Variants in MID1 observed in about 807,000 individuals in gnomAD.
MID1 encodes E3 ubiquitin-protein ligase Midline-1.
In MID1, 7 loss-of-function variants were observed where a neutral mutation model predicts 40.4. The ratio of observed to expected loss-of-function variants is 0.17; its 90% CI spans 0.10 to 0.33. The LOEUF (loss-of-function observed/expected upper bound fraction) is 0.33. MID1 is among the 10% of genes least tolerant of loss of function. The probability of loss-of-function intolerance (pLI) is 1.00; values close to 1 mark genes in which losing one functional copy is unlikely to be tolerated. For missense variants in MID1, 367 were observed against 558.5 expected (o/e 0.66, Z 3.46); for synonymous variants, 229 against 221.2 (o/e 1.04, Z -0.31).
intron 1 of MID1, among the ~76,000 whole-genome samples, chrX:10,752,209 C>T (rs1202536653): frequency 8.9e-6 from 1 of 112,126 alleles, no homozygotes; most frequent in Admixed American, 9.5e-5. Context: ...ACAGTGTCCA[C>T]TCCTCTCCTC....
At chrX:10,809,060 C>T (rs1479862481) in intron 1 of MID1, among the ~76,000 whole-genome samples, 13 of 111,476 alleles carry the variant, frequency 1.2e-4, no homozygotes, top group East Asian at 8.4e-4. Flanking sequence ...GAATCTACAA[C>T]GAACTCAAAC....
intron 1 of MID1, among the ~76,000 whole-genome samples, chrX:10,763,369 A>G (rs1341584491): frequency 1.0e-5 from 1 of 96,041 alleles, no homozygotes; most frequent in African/African-American, 4.0e-5. Context: ...CCTGTGTCCA[A>G]GTGTTCTCAT....
intron 9 of MID1, among the ~76,000 whole-genome samples, chrX:10,452,863 A>ATTC (rs1928431501): frequency 8.9e-6 from 1 of 112,062 alleles, no homozygotes. Context: ...TTTGCAAACT[A>ATTC]TTCATCAATG....
chrX:10,709,714 T>C (rs765026346), intron 1 of MID1, among the ~76,000 whole-genome samples: 29 of 112,422 alleles, frequency 2.6e-4, no homozygotes, highest in African/African-American at 9.0e-4. Flanking sequence ...GGTCCTTTTT[T>C]CTGAACCCTG....
intron 1 of MID1, among the ~76,000 whole-genome samples, chrX:10,718,708 T>G (rs1478840467): frequency 2.7e-5 from 3 of 111,775 alleles, no homozygotes; most frequent in East Asian, 2.8e-4. Context: ...GAGGCCAGCA[T>G]CATCCTGATA....
chrX:10,601,884 TTTTTGTTTTTGTTTTTG>T (rs1351550661), intron 1 of MID1, among the ~76,000 whole-genome samples: 24 of 105,663 alleles, frequency 2.3e-4, no homozygotes, highest in African/African-American at 8.3e-4. Context: ...GGAGTTTTTG[TTTTTGTTTTTGTTTTTG>T]TTTTTTTTTT....
At chrX:10,683,584 T>G (rs1330351376) in intron 1 of MID1, among the ~76,000 whole-genome samples, 1 of 109,416 alleles carries the variant, frequency 9.1e-6, no homozygotes, top group African/African-American at 3.3e-5. Flanking sequence ...TGGAAGCTAC[T>G]GTCTTTGGTC....
chrX:10,669,674 T>C (rs926627316), intron 1 of MID1, among the ~76,000 whole-genome samples: 1 of 112,081 alleles, frequency 8.9e-6, no homozygotes, highest in Non-Finnish European at 1.9e-5. Flanking sequence ...ATGGAAATCT[T>C]TCAGGGATTG....
At chrX:10,723,880 G>T (rs2147098205) in intron 1 of MID1, among the ~76,000 whole-genome samples, 1 of 112,334 alleles carries the variant, frequency 8.9e-6, no homozygotes, top group Non-Finnish European at 1.9e-5. Flanking sequence ...TTCTGGATCC[G>T]CAGCCGAAAT....
chrX:10,640,164 A>G (rs201600692), intron 1 of MID1, among the ~76,000 whole-genome samples: 2 of 110,658 alleles, frequency 1.8e-5, no homozygotes, highest in Admixed American at 9.6e-5. Flanking sequence ...CACACATAAC[A>G]ATATTAACTT....
intron 1 of MID1, among the ~76,000 whole-genome samples, chrX:10,818,102 T>C (rs181677266): frequency 8.9e-6 from 1 of 112,578 alleles, no homozygotes; most frequent in East Asian, 2.8e-4. Flanking sequence ...CATATATATT[T>C]CTTAAATGAC....
chrX:10,824,092 T>C (rs2044198244), intron 1 of MID1, among the ~76,000 whole-genome samples: 1 of 112,005 alleles, frequency 8.9e-6, no homozygotes, highest in Admixed American at 9.4e-5. Context: ...GACAAATATA[T>C]ATAAAATAGG....
intron 1 of MID1, among the ~76,000 whole-genome samples, chrX:10,698,772 T>C (rs1405148636): frequency 9.1e-6 from 1 of 110,109 alleles, no homozygotes; most frequent in Non-Finnish European, 1.9e-5. Context: ...CCTTCCTCCT[T>C]CCCCGTAAAG....
chrX:10,535,753 A>G (rs2147397081), intron 2 of MID1, among the ~76,000 whole-genome samples: 1 of 112,296 alleles, frequency 8.9e-6, no homozygotes, highest in East Asian at 2.8e-4. Context: ...CAATATTTTA[A>G]CACATTTAAC....
At chrX:10,555,308 C>T (rs1383463962) in intron 2 of MID1, among the ~76,000 whole-genome samples, 1 of 112,227 alleles carries the variant, frequency 8.9e-6, no homozygotes, top group Non-Finnish European at 1.9e-5. Flanking sequence ...GACTGAATGT[C>T]ACTGTTCTCT....
chrX:10,686,813 T>C (rs2043101766), intron 1 of MID1, among the ~76,000 whole-genome samples: 1 of 112,130 alleles, frequency 8.9e-6, no homozygotes, highest in Admixed American at 9.5e-5. Context: ...AGATCAGAAT[T>C]GTCTCATGTG....
At chrX:10,636,083 A>G (rs184501829) in intron 1 of MID1, among the ~76,000 whole-genome samples, 3 of 112,681 alleles carry the variant, frequency 2.7e-5, no homozygotes, top group Non-Finnish European at 5.6e-5. Flanking sequence ...ATTTAAAAAC[A>G]TAAAACAGAG....
chrX:10,689,697 A>AT (rs371993916), intron 1 of MID1, among the ~76,000 whole-genome samples: 234 of 99,578 alleles, frequency 2.3e-3, no homozygotes, highest in East Asian at 0.011. Context: ...AATGTTGTAG[A>AT]TTTTTTTTTT....
intron 1 of MID1, among the ~76,000 whole-genome samples, chrX:10,616,400 A>G (rs1190425183): frequency 8.9e-6 from 1 of 112,388 alleles, no homozygotes; most frequent in East Asian, 2.8e-4. Flanking sequence ...GATTTGATTG[A>G]ACTGGGATCC....
Sources: gnomAD v4.1 joint callset for allele counts (sites outside exome capture counted in the v4.1 genomes callset) on GRCh38, gnomAD v4.1.1 for gene constraint, MANE v1.5 for transcripts, NCBI Gene and HGNC (gene_info 2026-07-23, HGNC 2026-07-21) for gene names.